Variants in TWIST2 observed in about 807,000 individuals in gnomAD.
TWIST2 encodes twist-related protein 2.
Under a neutral mutation model 11.6 loss-of-function variants are expected in TWIST2, and 1 was observed. The ratio of observed to expected loss-of-function variants is 0.09; its 90% CI spans 0.03 to 0.41. TWIST2 has a LOEUF of 0.41. TWIST2 is among the 10% of genes least tolerant of loss of function. The pLI is 0.98. For missense variants in TWIST2, 168 were observed against 226.4 expected, an observed-to-expected ratio of 0.74 and a Z score of 1.66; for synonymous variants, 87 against 96.6, an observed-to-expected ratio of 0.90 and a Z score of 0.58.
intron 1 of TWIST2, among the ~76,000 whole-genome samples, chr2:238,879,184 T>C (rs1051715519): frequency 6.6e-6 from 1 of 152,108 alleles, no homozygotes; most frequent in Non-Finnish European, 1.5e-5. Context: ...GCTCTGACCT[T>C]GCCTTACCTA....
At chr2:238,895,777 A>G (rs1286024611) in intron 1 of TWIST2, among the ~76,000 whole-genome samples, 1 of 152,120 alleles carries the variant, frequency 6.6e-6, no homozygotes, top group Non-Finnish European at 1.5e-5. Flanking sequence ...TGCCAGGTGG[A>G]CAGGGAGAGG....
At chr2:238,883,856 T>C (rs1174772023) in intron 1 of TWIST2, among the ~76,000 whole-genome samples, 2 of 152,178 alleles carry the variant, frequency 1.3e-5, no homozygotes, top group African/African-American at 4.8e-5. Context: ...CTGTGGCTTT[T>C]CTCTCCTCCT....
intron 1 of TWIST2, among the ~76,000 whole-genome samples, chr2:238,906,447 T>C (rs1184921436): frequency 6.7e-6 from 1 of 148,346 alleles, no homozygotes; most frequent in African/African-American, 2.5e-5. Context: ...CACACACACA[T>C]ACACATGCAT....
At chr2:238,848,872 T>G in intron 1 of TWIST2, 139 bp downstream of exon 1, 9 of 595,428 alleles carry the variant, frequency 1.5e-5, no homozygotes, top group Non-Finnish European at 1.9e-5. Flanking sequence ...CTTTTCCTCT[T>G]AGCAAGGAAG....
At chr2:238,903,131 G>GAT (rs1693298242) in intron 1 of TWIST2, among the ~76,000 whole-genome samples, 1 of 148,018 alleles carries the variant, frequency 6.8e-6, no homozygotes. Flanking sequence ...TGTGATGTGG[G>GAT]GTGTGTGTCT....
chr2:238,875,894 A>G (rs1277240478), intron 1 of TWIST2, among the ~76,000 whole-genome samples: 1 of 152,222 alleles, frequency 6.6e-6, no homozygotes, highest in African/African-American at 2.4e-5. Context: ...TTCTGATGCA[A>G]TAGAGAAAAA....
At chr2:238,900,627 G>A (rs1240656797) in intron 1 of TWIST2, among the ~76,000 whole-genome samples, 5 of 152,168 alleles carry the variant, frequency 3.3e-5, no homozygotes, top group African/African-American at 9.7e-5. Context: ...TCGCTCTCCC[G>A]CATGGTCCCT....
chr2:238,863,865 G>A lies in TWIST2; in HGVS notation c.*35+15132G>A, dbSNP rs1220447191. 6.6e-6 allele frequency among the ~76,000 whole-genome samples: 1 copy of A among 152,094 alleles called. No individual in the cohort carries two copies. The highest frequency in any genetic ancestry group is 1.5e-5 in the Non-Finnish European group (1 of 68,016). ...TTGTATGATGAATGACAAATGTGTGGGACTGAGGAGAGGTCGGCCGTAGAG... is the reference window on the plus strand; with the variant it reads ...TTGTATGATGAATGACAAATGTGTGAGACTGAGGAGAGGTCGGCCGTAGAG... On this transcript the variant is annotated intron_variant, in intron 1 of 1. Transcript: ENST00000612363. The surrounding 1 kb of genome is among the most constrained non-coding windows in gnomAD (Gnocchi z 4.7).
intron 1 of TWIST2, among the ~76,000 whole-genome samples, chr2:238,877,653 A>G (rs1692831277): frequency 6.6e-6 from 1 of 152,208 alleles, no homozygotes; most frequent in Non-Finnish European, 1.5e-5. Context: ...ATGAAGAAAA[A>G]TCTCTTAGCT....
intron 1 of TWIST2, among the ~76,000 whole-genome samples, chr2:238,900,643 C>T (rs1257311423): frequency 2.0e-5 from 3 of 152,174 alleles, no homozygotes; most frequent in South Asian, 2.1e-4. Flanking sequence ...TCCCTGGACT[C>T]GCTGGGTATG....
At chr2:238,870,133 CA>C (rs1407992424) in intron 1 of TWIST2, among the ~76,000 whole-genome samples, 2 of 115,824 alleles carry the variant, frequency 1.7e-5, no homozygotes, top group African/African-American at 3.1e-5. Context: ...CCCACACACA[CA>C]CCACACCCCA....
chr2:238,870,620 C>A (rs1692663948), intron 1 of TWIST2, among the ~76,000 whole-genome samples: 1 of 77,134 alleles, frequency 1.3e-5, no homozygotes, highest in Admixed American at 1.1e-4. Flanking sequence ...ACATACCACA[C>A]ACAAACCACA....
chr2:238,904,354 GTGA>G (rs1324780458), intron 1 of TWIST2, among the ~76,000 whole-genome samples: 1 of 148,240 alleles, frequency 6.7e-6, no homozygotes, highest in South Asian at 2.2e-4. Context: ...TGTAGTGTGT[GTGA>G]TGTGAGGTAT....
Position 238,848,535 on chromosome 2 carries a change from T to C in TWIST2, c.320T>C (p.Leu107Pro). Residue 107 changes from leucine to proline, a missense_variant, in exon 1 of 2, where the codon CTC (leucine) becomes CCC (proline). Around this residue, in one of 3 missense-constraint regions of TWIST2, gnomAD observed 62 missense variants for 75.3 expected, o/e 0.82. Transcript: ENST00000612363. ...PSDKLSKIQT[L>P]KLAARYIDFL... ...GACAAGCTGAGCAAGATCCAGACGCTCAAGCTGGCCGCCAGGTACATAGAC... is the reference window on the plus strand; with the variant it reads ...GACAAGCTGAGCAAGATCCAGACGCCCAAGCTGGCCGCCAGGTACATAGAC... 1 of 1,593,206 alleles carries C rather than the reference T, an allele frequency of 6.3e-7. No homozygotes were observed.
At chr2:238,877,823 G>C (rs950620219) in intron 1 of TWIST2, among the ~76,000 whole-genome samples, 1 of 152,168 alleles carries the variant, frequency 6.6e-6, no homozygotes, top group African/African-American at 2.4e-5. Flanking sequence ...GCACCTGGAA[G>C]ACTAAGAGAG....
At chr2:238,878,197 C>T (rs1457855727) in intron 1 of TWIST2, among the ~76,000 whole-genome samples, 1 of 152,098 alleles carries the variant, frequency 6.6e-6, no homozygotes, top group Non-Finnish European at 1.5e-5. Flanking sequence ...CCCACTGTAC[C>T]CCTCCCTGTC....
At chr2:238,874,912 C>T (rs1206559080) in intron 1 of TWIST2, among the ~76,000 whole-genome samples, 1 of 152,134 alleles carries the variant, frequency 6.6e-6, no homozygotes, top group Non-Finnish European at 1.5e-5. Context: ...CTCTGCCACA[C>T]GGCCCCTTCT....
At chr2:238,906,965 T>G (rs895417221) in intron 1 of TWIST2, among the ~76,000 whole-genome samples, 3 of 152,238 alleles carry the variant, frequency 2.0e-5, no homozygotes, top group African/African-American at 7.2e-5. Context: ...CAACTGGCTG[T>G]TCTCATGTTT....
At chr2:238,906,629 C>G (rs1693359987) in intron 1 of TWIST2, among the ~76,000 whole-genome samples, 1 of 150,800 alleles carries the variant, frequency 6.6e-6, no homozygotes, top group Non-Finnish European at 1.5e-5. Flanking sequence ...TACTCACACT[C>G]ACTCTCACAC....
Sources: gnomAD v4.1 joint callset for allele counts (sites outside exome capture counted in the v4.1 genomes callset) on GRCh38, gnomAD v4.1.1 for gene constraint, gnomAD v4.1.1 regional missense constraint, Gnocchi (gnomAD v3.1) non-coding constraint, MANE v1.5 for transcripts, NCBI Gene and HGNC (gene_info 2026-07-23, HGNC 2026-07-21) for gene names.